MTRES1: variants seen among roughly 807,000 people sequenced by gnomAD.
MTRES1 encodes the protein uncharacterized protein C6orf203.
In MTRES1, 11 loss-of-function variants were observed where a neutral mutation model predicts 17.4. The observed-to-expected ratio is 0.63, with a 90% CI of 0.40 to 1.05. The LOEUF is 1.05. Ranked by LOEUF, MTRES1 falls within the 50% of genes least tolerant of loss-of-function variation. The pLI is 0.00. For missense variants in MTRES1, 268 were observed against 276.2 expected (o/e 0.97, Z 0.21); for synonymous variants, 94 against 99.6 (o/e 0.94, Z 0.34).
intron 3 of MTRES1, among the ~76,000 whole-genome samples, chr6:107,044,565 A>G (rs1554228189): frequency 6.6e-6 from 1 of 152,170 alleles, no homozygotes; most frequent in African/African-American, 2.4e-5. Context: ...AAATTTTAGA[A>G]TACACCACTG....
At chr6:107,041,475 A>G (rs1430040169) in intron 2 of MTRES1, among the ~76,000 whole-genome samples, 5 of 152,146 alleles carry the variant, frequency 3.3e-5, no homozygotes, top group African/African-American at 1.2e-4. Context: ...TTTGAAGAAA[A>G]TACTACATAT....
chr6:107,045,382 GC>G (rs1262155647), intron 3 of MTRES1, among the ~76,000 whole-genome samples: 1 of 152,040 alleles, frequency 6.6e-6, no homozygotes, highest in East Asian at 1.9e-4. Flanking sequence ...TACTTGGGAG[GC>G]TGAGGCAGGA....
intron 3 of MTRES1, among the ~76,000 whole-genome samples, chr6:107,048,795 GA>G (rs1369190738): frequency 7.5e-4 from 93 of 124,030 alleles, no homozygotes; most frequent in African/African-American, 1.9e-3. Flanking sequence ...AAAAAAAAAA[GA>G]AAAAAAAAAT....
chr6:107,043,188 C>T (rs1460191311), intron 2 of MTRES1, among the ~76,000 whole-genome samples: 1 of 151,994 alleles, frequency 6.6e-6, no homozygotes, highest in South Asian at 2.1e-4. Flanking sequence ...AAAAAAATTA[C>T]CCAGGCGTGG....
intron 3 of MTRES1, among the ~76,000 whole-genome samples, chr6:107,048,733 T>A (rs1245732596): frequency 7.3e-6 from 1 of 137,378 alleles, no homozygotes; most frequent in Non-Finnish European, 1.5e-5. Flanking sequence ...TGAGCCGAGA[T>A]CACACCACTG....
chr6:107,046,930 T>TTTTGTG (rs1367322880), intron 3 of MTRES1, among the ~76,000 whole-genome samples: 3,268 of 32,954 alleles, frequency 0.099, 120 homozygotes, highest in South Asian at 0.2. Flanking sequence ...GGATTCATTC[T>TTTTGTG]TGTGTGTGTG....
intron 1 of MTRES1, among the ~76,000 whole-genome samples, chr6:107,031,303 A>T (rs1261188178): frequency 6.7e-6 from 1 of 150,270 alleles, no homozygotes; most frequent in Non-Finnish European, 1.5e-5. Context: ...TATGGCTTGA[A>T]CTGGGGAGGC....
At chr6:107,045,680 C>T (rs1554228318) in intron 3 of MTRES1, among the ~76,000 whole-genome samples, 1 of 151,730 alleles carries the variant, frequency 6.6e-6, no homozygotes, top group Non-Finnish European at 1.5e-5. Context: ...ATGGAAAAAA[C>T]AATACTGATA....
rs1018277886 is a variant in MTRES1 at position 107,029,939 on chromosome 6, C to A, written c.-13+1668C>A. ...CCTCTCAATCCCCCTTACCCTGCTCCACTTTCTTCCCCCAGTGCATTAACC... is the reference window on the plus strand; with the variant it reads ...CCTCTCAATCCCCCTTACCCTGCTCAACTTTCTTCCCCCAGTGCATTAACC... On this transcript the variant is annotated intron_variant, in intron 1 of 3. Transcript: ENST00000311381. 1.7e-4 allele frequency: 105 copies of A among 634,656 alleles called. 2 individuals carry two copies. Among genetic ancestry groups the A allele is most frequent in the African/African-American group, 7.3e-5 (4 of 54,520 alleles). 39.3% of individuals were successfully genotyped at this position (634,656 alleles called of 1,614,324 possible).
chr6:107,041,760 C>G (rs1401480962), intron 2 of MTRES1, among the ~76,000 whole-genome samples: 1 of 152,002 alleles, frequency 6.6e-6, no homozygotes, highest in Non-Finnish European at 1.5e-5. Context: ...GATCTCCTGA[C>G]CTCGTGATCC....
intron 2 of MTRES1, among the ~76,000 whole-genome samples, chr6:107,043,206 C>T (rs530207706): frequency 1.3e-3 from 202 of 152,080 alleles, no homozygotes; most frequent in African/African-American, 9.9e-4. Context: ...TGGTGGCGGG[C>T]GCCTGTAGTC....
intron 1 of MTRES1, among the ~76,000 whole-genome samples, chr6:107,038,205 GTAGC>G (rs1774074094): frequency 6.6e-6 from 1 of 152,164 alleles, no homozygotes; most frequent in African/African-American, 2.4e-5. Flanking sequence ...TAAATTGGAA[GTAGC>G]TAGCTCCATG....
intron 3 of MTRES1, among the ~76,000 whole-genome samples, chr6:107,045,100 A>G (rs1421947349): frequency 6.6e-6 from 1 of 151,766 alleles, no homozygotes; most frequent in Non-Finnish European, 1.5e-5. Flanking sequence ...CGGGAGGATT[A>G]TCTGAGCCTA....
At chr6:107,032,665 C>G (rs1773883188) in intron 1 of MTRES1, among the ~76,000 whole-genome samples, 1 of 152,092 alleles carries the variant, frequency 6.6e-6, no homozygotes, top group African/African-American at 2.4e-5. Flanking sequence ...GAGCTGAGCA[C>G]TGCACACCAG....
chr6:107,047,706 G>T (rs1161668462), intron 3 of MTRES1, among the ~76,000 whole-genome samples: 1 of 151,930 alleles, frequency 6.6e-6, no homozygotes, highest in African/African-American at 2.4e-5. Flanking sequence ...CCAACATGGT[G>T]AAACCCCATC....
intron 3 of MTRES1, among the ~76,000 whole-genome samples, chr6:107,047,258 G>C (rs896376016): frequency 6.6e-6 from 1 of 151,166 alleles, no homozygotes; most frequent in Non-Finnish European, 1.5e-5. Flanking sequence ...TGTCTTGCTC[G>C]GTTACCCAGG....
rs948160031 is a variant in MTRES1 at position 107,034,414 on chromosome 6, A to G, written c.-12-5335A>G. Among the ~76,000 whole-genome samples the G allele has an allele frequency of 5.3e-5, 8 of 151,958 alleles. No homozygotes were observed. In the South Asian group the frequency reaches 8.3e-4, roughly 16 times the overall value. Reference sequence around the variant, plus strand: ...TCCCACTCTTCTACCCCTGAAAACTATCTGTTCTCTCTGGTATTGCACTGG... The same window carrying G: ...TCCCACTCTTCTACCCCTGAAAACTGTCTGTTCTCTCTGGTATTGCACTGG... On this transcript the variant is annotated intron_variant, in intron 1 of 3. Coordinates refer to ENST00000311381, the MANE Select transcript of MTRES1 (RefSeq NM_016487.5).
intron 3 of MTRES1, among the ~76,000 whole-genome samples, chr6:107,048,757 T>A (rs1275298466): frequency 7.5e-6 from 1 of 132,980 alleles, no homozygotes; most frequent in Non-Finnish European, 1.6e-5. Context: ...TCCAGCCTGG[T>A]GACACGGTGA....
At chr6:107,047,861 G>C (rs1337227910) in intron 3 of MTRES1, among the ~76,000 whole-genome samples, 1 of 151,990 alleles carries the variant, frequency 6.6e-6, no homozygotes, top group Non-Finnish European at 1.5e-5. Context: ...ACTCCAGCCT[G>C]GGCAGCAGAG....
Sources: gnomAD v4.1 joint callset for allele counts (sites outside exome capture counted in the v4.1 genomes callset) on GRCh38, gnomAD v4.1.1 for gene constraint, MANE v1.5 for transcripts, NCBI Gene and HGNC (gene_info 2026-07-23, HGNC 2026-07-21) for gene names.